Variants in EFCAB8 observed in about 807,000 individuals in gnomAD.
The protein encoded by EFCAB8 is EF-hand calcium-binding domain-containing protein 8.
EFCAB8 carries 100 observed loss-of-function variants against 116.3 expected under a neutral mutation model. The observed-to-expected ratio is 0.86, with a 90% CI of 0.73 to 1.02. EFCAB8 has a LOEUF of 1.02. EFCAB8 is among the 50% of genes least tolerant of loss of function. The probability of loss-of-function intolerance (pLI) is 0.00; values close to 1 mark genes in which losing one functional copy is unlikely to be tolerated. For missense variants in EFCAB8, 1,320 were observed against 1,416.9 expected (o/e 0.93, Z 1.10); for synonymous variants, 558 against 567.9 (o/e 0.98, Z 0.25).
chr20:32,861,195 A>G (rs2146157259), intron 1 of EFCAB8, among the ~76,000 whole-genome samples: 1 of 152,284 alleles, frequency 6.6e-6, no homozygotes, highest in African/African-American at 2.4e-5. Flanking sequence ...TGCTCCTATG[A>G]ATGATGCTGC....
At chr20:32,932,465 G>A (rs1206924735) in intron 22 of EFCAB8, among the ~76,000 whole-genome samples, 2 of 152,294 alleles carry the variant, frequency 1.3e-5, no homozygotes, top group Admixed American at 6.5e-5. Flanking sequence ...GTCAGGTAAC[G>A]TAAAAAGGCT....
At chr20:32,886,059 C>G (rs1404142317) in intron 6 of EFCAB8, among the ~76,000 whole-genome samples, 2 of 152,192 alleles carry the variant, frequency 1.3e-5, no homozygotes, top group Non-Finnish European at 2.9e-5. Flanking sequence ...GGCAGGAAAT[C>G]ATAGTGGTTA....
Position 32,930,606 on chromosome 20 carries a change from G to T in EFCAB8, c.2621G>T (p.Gly874Val). ...ATCCTCATCACGGGGGATTGTAAAGGATACATCAAGGTGAGGAAGAACTGG... is the reference window on the plus strand; with the variant it reads ...ATCCTCATCACGGGGGATTGTAAAGTATACATCAAGGTGAGGAAGAACTGG... The part of the protein sequence containing the change: ...DWILITGDCK[G>V]YIKIWDIKDY... Residue 874 changes from glycine to valine, a missense_variant, in exon 21 of 27, where the codon GGA (glycine) becomes GTA (valine). Physicochemically the swap from Gly to Val is moderately radical, Grantham distance 109. Transcript: ENST00000400522. The T allele has an allele frequency of 6.4e-7, 1 of 1,552,242 alleles. No homozygotes were observed. Among genetic ancestry groups the T allele is most frequent in the Non-Finnish European group, 8.7e-7 (1 of 1,147,102 alleles).
intron 23 of EFCAB8, among the ~76,000 whole-genome samples, chr20:32,944,034 A>G (rs954316630): frequency 2.0e-5 from 3 of 152,242 alleles, no homozygotes; most frequent in Non-Finnish European, 4.4e-5. Context: ...TGCAAATCAT[A>G]TATCTGATAA....
intron 22 of EFCAB8, among the ~76,000 whole-genome samples, chr20:32,936,941 A>G (rs893394987): frequency 1.3e-5 from 2 of 152,138 alleles, no homozygotes; most frequent in African/African-American, 4.8e-5. Context: ...ATTTATCAAC[A>G]CAAGATAGCT....
intron 8 of EFCAB8, among the ~76,000 whole-genome samples, chr20:32,892,627 G>A (rs571161853): frequency 4.5e-4 from 69 of 152,236 alleles, no homozygotes; most frequent in African/African-American, 1.6e-3. Flanking sequence ...AAGGGCAGCT[G>A]GAGGACTAGG....
At chr20:32,934,760 C>A (rs1160362422) in intron 22 of EFCAB8, among the ~76,000 whole-genome samples, 1 of 152,146 alleles carries the variant, frequency 6.6e-6, no homozygotes, top group Non-Finnish European at 1.5e-5. Flanking sequence ...CTTGCCTGCT[C>A]CCATGTAAGA....
chr20:32,917,013 C>T (rs1015025844), intron 17 of EFCAB8: 4 of 356,764 alleles, frequency 1.1e-5, no homozygotes, highest in Non-Finnish European at 1.5e-5. Context: ...ATGTCCCCCC[C>T]CCTTTAAACC....
At chr20:32,926,694 T>G (rs1298990929) in intron 20 of EFCAB8, among the ~76,000 whole-genome samples, 1 of 133,910 alleles carries the variant, frequency 7.5e-6, no homozygotes, top group Non-Finnish European at 1.6e-5. Context: ...CAGAGTGTGA[T>G]GTTCCCCTTC....
At chr20:32,882,821 G>A (rs1361141016) in intron 5 of EFCAB8, among the ~76,000 whole-genome samples, 3 of 152,006 alleles carry the variant, frequency 2.0e-5, no homozygotes, top group African/African-American at 4.8e-5. Context: ...TCAGCCTCCC[G>A]AGTAGCTGGG....
At chr20:32,925,232 AT>A (rs1330403540) in intron 20 of EFCAB8, among the ~76,000 whole-genome samples, 1 of 151,884 alleles carries the variant, frequency 6.6e-6, no homozygotes, top group South Asian at 2.1e-4. Flanking sequence ...TTATTTATTT[AT>A]TTTTGAGATG....
chr20:32,951,481 T>C (rs965443374), intron 23 of EFCAB8, among the ~76,000 whole-genome samples: 3 of 152,214 alleles, frequency 2.0e-5, no homozygotes, highest in Non-Finnish European at 4.4e-5. Context: ...TGCATCTATT[T>C]ATATAAAATT....
chr20:32,893,203 A>G lies in EFCAB8; in HGVS notation c.788A>G (p.Tyr263Cys), dbSNP rs1986001708. 3 of 1,551,870 alleles carry G rather than the reference A, an allele frequency of 1.9e-6. No homozygotes were observed. Among genetic ancestry groups the G allele is most frequent in the Non-Finnish European group, 1.7e-6 (2 of 1,147,064 alleles). ...GACTATCACAGAGGTGTGTTCTGCTATGGAGACGCCAAAGGCAACGTCATT... is the reference window on the plus strand; with the variant it reads ...GACTATCACAGAGGTGTGTTCTGCTGTGGAGACGCCAAAGGCAACGTCATT... ...WSDYHRGVFC[Y>C]GDAKGNVIVF... Residue 263 changes from tyrosine to cysteine, a missense_variant, in exon 9 of 27, where the codon TAT (tyrosine) becomes TGT (cysteine). Transcript: ENST00000400522.
At chr20:32,868,581 C>T (rs562183577) in intron 3 of EFCAB8, among the ~76,000 whole-genome samples, 1 of 152,324 alleles carries the variant, frequency 6.6e-6, no homozygotes, top group South Asian at 2.1e-4. Context: ...ATACCACAGT[C>T]TTAGTGGCTT....
intron 26 of EFCAB8, among the ~76,000 whole-genome samples, chr20:32,960,734 A>G (rs1989120756): frequency 6.6e-6 from 1 of 152,172 alleles, no homozygotes; most frequent in Admixed American, 6.5e-5. Context: ...AGAATAAATG[A>G]GATAACACCG....
intron 9 of EFCAB8, among the ~76,000 whole-genome samples, chr20:32,894,403 T>G (rs1986061202): frequency 6.6e-6 from 1 of 152,236 alleles, no homozygotes; most frequent in Non-Finnish European, 1.5e-5. Flanking sequence ...TGCCCTGCCC[T>G]GAGCTGCCCA....
chr20:32,900,105 G>A (rs2146224896), intron 11 of EFCAB8, among the ~76,000 whole-genome samples: 1 of 152,246 alleles, frequency 6.6e-6, no homozygotes. Flanking sequence ...TTTAAGGCCT[G>A]TATTGGGGAG....
chr20:32,946,224 G>A (rs1366198712), intron 23 of EFCAB8, among the ~76,000 whole-genome samples: 1 of 152,204 alleles, frequency 6.6e-6, no homozygotes, highest in Non-Finnish European at 1.5e-5. Context: ...ACAGAAACTG[G>A]TTAATCATGC....
At chr20:32,898,894 TC>T (rs1986293009) in intron 11 of EFCAB8, among the ~76,000 whole-genome samples, 1 of 152,184 alleles carries the variant, frequency 6.6e-6, no homozygotes, top group Non-Finnish European at 1.5e-5. Flanking sequence ...AGTTACTTTC[TC>T]CTCTGTGACC....
Sources: allele counts gnomAD v4.1 joint callset (sites outside exome capture counted in the v4.1 genomes callset), GRCh38; gene constraint gnomAD v4.1.1; transcripts MANE v1.5; gene names NCBI Gene and HGNC (gene_info 2026-07-23, HGNC 2026-07-21).